Variants in CENPW observed in about 807,000 individuals in gnomAD.
The protein encoded by CENPW is centromere protein W, also known as cancer-up-regulated gene 2 protein.
Under a neutral mutation model 11.1 loss-of-function variants are expected in CENPW, and 3 were observed. That is an observed-to-expected ratio of 0.27 (90% CI 0.12 to 0.70). The LOEUF is 0.70. CENPW is among the 30% of genes least tolerant of loss of function. CENPW has a pLI of 0.77. For missense variants in CENPW, 100 were observed against 105.6 expected (o/e 0.95, Z 0.23); for synonymous variants, 38 against 42.0 (o/e 0.91, Z 0.37).
chr6:126,474,904 C>T, the CENPW span, among the ~76,000 whole-genome samples: 4 of 152,166 alleles, frequency 2.6e-5, no homozygotes, highest in Admixed American at 6.6e-5. Flanking sequence ...TACTTTGCTA[C>T]ATATGAAAGC....
At chr6:126,368,937 C>G in the CENPW span, among the ~76,000 whole-genome samples, 1 of 152,030 alleles carries the variant, frequency 6.6e-6, no homozygotes, top group African/African-American at 2.4e-5. Flanking sequence ...ATCCCTCACC[C>G]TCCTCCCACC....
chr6:126,369,235 T>C, the CENPW span, among the ~76,000 whole-genome samples: 1 of 152,152 alleles, frequency 6.6e-6, no homozygotes, highest in Non-Finnish European at 1.5e-5. Flanking sequence ...TTGTGAATTG[T>C]GCTGCTATAA....
At chr6:126,401,869 G>A in the CENPW span, among the ~76,000 whole-genome samples, 1 of 151,968 alleles carries the variant, frequency 6.6e-6, no homozygotes, top group African/African-American at 2.4e-5. Context: ...TGGCTCCCAG[G>A]TGTTCTATAC....
the CENPW span, among the ~76,000 whole-genome samples, chr6:126,402,260 T>G: frequency 6.6e-6 from 1 of 151,718 alleles, no homozygotes; most frequent in African/African-American, 2.4e-5. Flanking sequence ...TTCCTTTCAT[T>G]CCCCTTTTAT....
the CENPW span, among the ~76,000 whole-genome samples, chr6:126,454,360 T>C: frequency 2.6e-5 from 4 of 151,354 alleles, no homozygotes; most frequent in African/African-American, 7.3e-5. Context: ...ACTGAAATCA[T>C]ACCAAACACA....
At chr6:126,480,182 G>A in the CENPW span, among the ~76,000 whole-genome samples, 2 of 151,196 alleles carry the variant, frequency 1.3e-5, no homozygotes, top group African/African-American at 2.4e-5. Flanking sequence ...TTTTTTCTAC[G>A]CACACACACA....
At chr6:126,414,888 C>T in the CENPW span, among the ~76,000 whole-genome samples, 1 of 151,590 alleles carries the variant, frequency 6.6e-6, no homozygotes, top group East Asian at 1.9e-4. Flanking sequence ...AGAAGACTCA[C>T]ACAAATAAAT....
the CENPW span, among the ~76,000 whole-genome samples, chr6:126,417,678 G>T: frequency 6.6e-6 from 1 of 152,130 alleles, no homozygotes; most frequent in Non-Finnish European, 1.5e-5. Context: ...ATGTAAGATT[G>T]TGAGGCCTCC....
downstream of CENPW, among the ~76,000 whole-genome samples, chr6:126,351,821 A>G (rs568626943): frequency 1.3e-5 from 2 of 151,794 alleles, no homozygotes; most frequent in African/African-American, 2.4e-5. Flanking sequence ...TGAACATGAG[A>G]TGGGTATGAG....
the CENPW span, among the ~76,000 whole-genome samples, chr6:126,357,066 A>C: frequency 6.6e-6 from 1 of 152,164 alleles, no homozygotes; most frequent in African/African-American, 2.4e-5. Flanking sequence ...TGATTCTTAC[A>C]GTTTTAGATG....
the CENPW span, among the ~76,000 whole-genome samples, chr6:126,467,126 G>A: frequency 6.6e-6 from 1 of 152,030 alleles, no homozygotes; most frequent in Non-Finnish European, 1.5e-5. Context: ...ACTTTCCACA[G>A]GCTAGAAAAA....
chr6:126,376,958 A>T, the CENPW span, among the ~76,000 whole-genome samples: 8 of 152,186 alleles, frequency 5.3e-5, no homozygotes, highest in Admixed American at 5.2e-4. Context: ...TCCTGTGTGC[A>T]TACATCTTTA....
chr6:126,408,653 T>C, the CENPW span, among the ~76,000 whole-genome samples: 73 of 152,316 alleles, frequency 4.8e-4, no homozygotes, highest in African/African-American at 1.5e-3. Flanking sequence ...AGGTTCAATC[T>C]CAATATTCTT....
the CENPW span, among the ~76,000 whole-genome samples, chr6:126,361,660 C>A: frequency 1.3e-5 from 2 of 151,696 alleles, no homozygotes; most frequent in Non-Finnish European, 2.9e-5. Flanking sequence ...CCTCACCAGG[C>A]CTGCTCCTGG....
the CENPW span, among the ~76,000 whole-genome samples, chr6:126,463,155 C>A: frequency 6.6e-6 from 1 of 151,944 alleles, no homozygotes; most frequent in Non-Finnish European, 1.5e-5. Flanking sequence ...ATTACATGAT[C>A]TTTGAATACT....
the CENPW span, among the ~76,000 whole-genome samples, chr6:126,373,570 A>C: frequency 3.6e-4 from 55 of 152,306 alleles, no homozygotes; most frequent in African/African-American, 1.2e-3. Context: ...GTTCACTTGA[A>C]GTTTCTCATA....
At chr6:126,436,799 G>C in the CENPW span, among the ~76,000 whole-genome samples, 1 of 151,602 alleles carries the variant, frequency 6.6e-6, no homozygotes, top group Non-Finnish European at 1.5e-5. Context: ...AGAAATAAAA[G>C]AAAAATAGAA....
the CENPW span, among the ~76,000 whole-genome samples, chr6:126,475,380 G>T: frequency 6.6e-6 from 1 of 151,666 alleles, no homozygotes; most frequent in Non-Finnish European, 1.5e-5. Context: ...AACATCTCTT[G>T]TGCCCCATAA....
chr6:126,449,676 A>AT, the CENPW span, among the ~76,000 whole-genome samples: 1 of 151,066 alleles, frequency 6.6e-6, no homozygotes. Flanking sequence ...ACTAATGTTG[A>AT]TTTTTATCGC....
Sources: allele counts gnomAD v4.1 joint callset (sites outside exome capture counted in the v4.1 genomes callset), GRCh38; gene constraint gnomAD v4.1.1; transcripts MANE v1.5; gene names NCBI Gene and HGNC (gene_info 2026-07-23, HGNC 2026-07-21).